GLCE: variants seen among roughly 807,000 people sequenced by gnomAD.
GLCE encodes glucuronic acid epimerase.
Under a neutral mutation model 47.9 loss-of-function variants are expected in GLCE, and 19 were observed. That is an observed-to-expected ratio of 0.40 (90% CI 0.28 to 0.58). The LOEUF (loss-of-function observed/expected upper bound fraction) is 0.58. Among genes scored for constraint, GLCE ranks in the 20% least tolerant of loss-of-function variants. The pLI, the probability that GLCE is intolerant of heterozygous loss-of-function variation, is 0.48. For missense variants in GLCE, 556 were observed against 743.3 expected (o/e 0.75, Z 2.93); for synonymous variants, 245 against 263.4 (o/e 0.93, Z 0.68).
At chr15:69,250,323 TAATA>T in intron 2 of GLCE, among the ~76,000 whole-genome samples, 1 of 152,266 alleles carries the variant, frequency 6.6e-6, no homozygotes, top group Non-Finnish European at 1.5e-5. Context: ...ATTTTTTAGT[TAATA>T]CTGTATGTCA....
At chr15:69,185,978 G>A (rs902271113) in intron 1 of GLCE, among the ~76,000 whole-genome samples, 6 of 152,038 alleles carry the variant, frequency 3.9e-5, no homozygotes, top group African/African-American at 1.4e-4. Flanking sequence ...CAGAACTCAG[G>A]GAAATACTTG....
chr15:69,237,105 A>G (rs2052603148), intron 2 of GLCE, among the ~76,000 whole-genome samples: 1 of 152,198 alleles, frequency 6.6e-6, no homozygotes. Flanking sequence ...TTTTATCATA[A>G]ACATTAGAAA....
At chr15:69,207,143 A>G (rs560626284) in intron 1 of GLCE, among the ~76,000 whole-genome samples, 2 of 152,222 alleles carry the variant, frequency 1.3e-5, no homozygotes, top group Non-Finnish European at 2.9e-5. Context: ...CCTGTGAGAA[A>G]TAAATTTACC....
chr15:69,250,723 A>G (rs2052830634), intron 2 of GLCE, among the ~76,000 whole-genome samples: 1 of 151,128 alleles, frequency 6.6e-6, no homozygotes, highest in South Asian at 2.1e-4. Context: ...ATAGCACCCT[A>G]TAGCCCAGAA....
chr15:69,165,402 G>A (rs1281194685), intron 1 of GLCE, among the ~76,000 whole-genome samples: 1 of 151,844 alleles, frequency 6.6e-6, no homozygotes, highest in Non-Finnish European at 1.5e-5. Context: ...TCCTGACTCA[G>A]AGCCTTCACA....
At chr15:69,200,754 C>A (rs922910480) in intron 1 of GLCE, among the ~76,000 whole-genome samples, 16 of 152,170 alleles carry the variant, frequency 1.1e-4, no homozygotes, top group Admixed American at 2.0e-4. Flanking sequence ...CATCATAAAT[C>A]AATACAAACT....
chr15:69,226,071 C>T (rs1352864066), intron 2 of GLCE, among the ~76,000 whole-genome samples: 12 of 32,990 alleles, frequency 3.6e-4, no homozygotes, highest in African/African-American at 6.8e-4. Context: ...CACACACACA[C>T]ACAGACACAC....
chr15:69,208,510 A>G (rs976380179), intron 1 of GLCE, among the ~76,000 whole-genome samples: 5 of 152,034 alleles, frequency 3.3e-5, no homozygotes, highest in African/African-American at 1.2e-4. Flanking sequence ...CCCTTCAGCA[A>G]TATCACATTG....
At chr15:69,164,719 A>G (rs1026559323) in intron 1 of GLCE, among the ~76,000 whole-genome samples, 1 of 152,106 alleles carries the variant, frequency 6.6e-6, no homozygotes, top group African/African-American at 2.4e-5. Context: ...TAATTTTAGA[A>G]GCCTCTTCTT....
intron 1 of GLCE, among the ~76,000 whole-genome samples, chr15:69,176,704 C>T (rs1184810527): frequency 1.3e-5 from 2 of 152,126 alleles, no homozygotes; most frequent in Non-Finnish European, 2.9e-5. Context: ...ATTCTATTGC[C>T]ACTTTATTCC....
At chr15:69,173,995 C>T (rs1401239005) in intron 1 of GLCE, among the ~76,000 whole-genome samples, 1 of 151,958 alleles carries the variant, frequency 6.6e-6, no homozygotes, top group Non-Finnish European at 1.5e-5. Context: ...GTAGCTGGGA[C>T]TACAGGCGCA....
At chr15:69,226,816 C>T (rs976914361) in intron 2 of GLCE, among the ~76,000 whole-genome samples, 21 of 145,164 alleles carry the variant, frequency 1.4e-4, no homozygotes, top group Non-Finnish European at 8.9e-5. Flanking sequence ...GTGATCTCGG[C>T]TCACTGCAAC....
At chr15:69,261,653 T>C (rs1323393577) in intron 4 of GLCE, among the ~76,000 whole-genome samples, 2 of 152,170 alleles carry the variant, frequency 1.3e-5, no homozygotes, top group African/African-American at 4.8e-5. Context: ...TTCAGTACAG[T>C]ATAGTTTAAT....
intron 1 of GLCE, chr15:69,194,493 A>T (rs2051957534): frequency 6.6e-6 from 1 of 152,176 alleles, no homozygotes; most frequent in African/African-American, 2.4e-5. Context: ...CCATTTGTTT[A>T]TCTGAACCTG....
chr15:69,250,309 G>T (rs963723160), intron 2 of GLCE, among the ~76,000 whole-genome samples: 8 of 151,794 alleles, frequency 5.3e-5, no homozygotes, highest in African/African-American at 1.9e-4. Flanking sequence ...CTTTAGATGA[G>T]CCTATTTTTT....
intron 2 of GLCE, among the ~76,000 whole-genome samples, chr15:69,248,057 T>C (rs531535875): frequency 6.6e-6 from 1 of 152,308 alleles, no homozygotes; most frequent in Admixed American, 6.5e-5. Flanking sequence ...ACAATCTTAT[T>C]TGAAGTATTA....
intron 4 of GLCE, among the ~76,000 whole-genome samples, chr15:69,267,757 A>T (rs979704931): frequency 6.6e-6 from 1 of 152,062 alleles, no homozygotes; most frequent in Non-Finnish European, 1.5e-5. Context: ...GTAAGTACAT[A>T]TTAAATGTTA....
intron 2 of GLCE, among the ~76,000 whole-genome samples, chr15:69,229,092 G>A (rs2052485901): frequency 6.6e-6 from 1 of 152,156 alleles, no homozygotes. Context: ...AGCTGATGAA[G>A]CTATGCTAAT....
chr15:69,199,445 A>C (rs747572799), intron 1 of GLCE, among the ~76,000 whole-genome samples: 2 of 150,094 alleles, frequency 1.3e-5, no homozygotes, highest in East Asian at 3.9e-4. Flanking sequence ...AATAATCTTT[A>C]TAAAAATAAG....
Sources: allele counts gnomAD v4.1 joint callset (sites outside exome capture counted in the v4.1 genomes callset), GRCh38; gene constraint gnomAD v4.1.1; transcripts MANE v1.5; gene names NCBI Gene and HGNC (gene_info 2026-07-23, HGNC 2026-07-21).